Variants in GPC6 observed in about 807,000 individuals in gnomAD.
The protein encoded by GPC6 is glypican 6, also known as glypican-6.
Under a neutral mutation model 55.2 loss-of-function variants are expected in GPC6, and 14 were observed. That is an observed-to-expected ratio of 0.25 (90% CI 0.17 to 0.40). The LOEUF (loss-of-function observed/expected upper bound fraction) is 0.40. Among genes scored for constraint, GPC6 ranks in the 10% least tolerant of loss-of-function variants. The pLI, the probability that GPC6 is intolerant of heterozygous loss-of-function variation, is 1.00. For missense variants in GPC6, 641 were observed against 708.5 expected (o/e 0.90, Z 1.08); for synonymous variants, 278 against 259.6 (o/e 1.07, Z -0.68).
chr13:94,094,904 TAAAC>T (rs1013577525), intron 4 of GPC6, among the ~76,000 whole-genome samples: 2 of 152,116 alleles, frequency 1.3e-5, no homozygotes, highest in African/African-American at 4.8e-5. Flanking sequence ...AAATTTCAGT[TAAAC>T]AATAAATATG....
intron 3 of GPC6, among the ~76,000 whole-genome samples, chr13:93,871,910 T>A (rs572936671): frequency 6.6e-6 from 1 of 151,978 alleles, no homozygotes; most frequent in Non-Finnish European, 1.5e-5. Context: ...TAATGAAGAT[T>A]TTGCATTTCA....
At chr13:93,358,085 T>C (rs772148293) in intron 1 of GPC6, among the ~76,000 whole-genome samples, 2 of 152,172 alleles carry the variant, frequency 1.3e-5, no homozygotes, top group South Asian at 2.1e-4. Flanking sequence ...CGGTGGCTCA[T>C]GGCTATAATC....
At chr13:93,529,660 G>A (rs1432334712) in intron 1 of GPC6, among the ~76,000 whole-genome samples, 1 of 151,726 alleles carries the variant, frequency 6.6e-6, no homozygotes. Context: ...GGGATTACAG[G>A]TGCCCGCCAC....
intron 3 of GPC6, among the ~76,000 whole-genome samples, chr13:93,893,561 G>A (rs953219148): frequency 6.6e-6 from 1 of 152,106 alleles, no homozygotes; most frequent in Non-Finnish European, 1.5e-5. Flanking sequence ...ACCCTCTTGT[G>A]TTCAAGTTGT....
At chr13:93,585,813 A>G (rs1476003463) in intron 2 of GPC6, among the ~76,000 whole-genome samples, 3 of 152,212 alleles carry the variant, frequency 2.0e-5, no homozygotes, top group Non-Finnish European at 4.4e-5. Context: ...AACTGCATCA[A>G]CAGCTCATTT....
At chr13:93,691,633 G>A (rs1237664325) in intron 2 of GPC6, among the ~76,000 whole-genome samples, 1 of 151,684 alleles carries the variant, frequency 6.6e-6, no homozygotes, top group Non-Finnish European at 1.5e-5. Context: ...ACACCTTCAT[G>A]TTTCTGAGGT....
chr13:93,850,920 A>G (rs943687691), intron 3 of GPC6, among the ~76,000 whole-genome samples: 6 of 151,952 alleles, frequency 3.9e-5, no homozygotes, highest in African/African-American at 7.2e-5. Context: ...TCAGGACTGC[A>G]CCTCTGAGCA....
chr13:93,545,132 T>G, intron 1 of GPC6, 131 bp from the exon 2 acceptor site: 1 of 769,198 alleles, frequency 1.3e-6, no homozygotes, highest in Non-Finnish European at 2.3e-6. Flanking sequence ...CAGATAGAGT[T>G]CATGGGGATG....
At chr13:93,382,305 G>T (rs2139205643) in intron 1 of GPC6, among the ~76,000 whole-genome samples, 1 of 152,148 alleles carries the variant, frequency 6.6e-6, no homozygotes, top group Non-Finnish European at 1.5e-5. Flanking sequence ...TCCTCCTTAA[G>T]CGTTGTAATT....
At chr13:94,202,128 G>C (rs1889771675) in intron 4 of GPC6, among the ~76,000 whole-genome samples, 1 of 152,022 alleles carries the variant, frequency 6.6e-6, no homozygotes, top group Admixed American at 6.6e-5. Context: ...TCCTCAAATG[G>C]ATCATAAATT....
At chr13:93,762,831 T>C (rs1475602220) in intron 2 of GPC6, among the ~76,000 whole-genome samples, 4 of 152,186 alleles carry the variant, frequency 2.6e-5, no homozygotes. Context: ...TTGGGATTCA[T>C]AACTGTCACC....
chr13:94,401,567 G>C (rs907162007), intron 8 of GPC6, among the ~76,000 whole-genome samples: 2 of 152,004 alleles, frequency 1.3e-5, no homozygotes, highest in African/African-American at 4.8e-5. Context: ...TTCTGTCAAG[G>C]GCCGTATATT....
In GPC6 at chr13:93,305,251, T is replaced by G. The variant is rs779876257; in HGVS notation, c.160+77635T>G. Among the ~76,000 whole-genome samples, 33 of 152,256 alleles carry G rather than the reference T, an allele frequency of 2.2e-4. 1 individual carries two copies. The Middle Eastern group carries it at 0.01, about 47-fold the overall frequency. On this transcript the variant is annotated intron_variant, in intron 1 of 8. Coordinates refer to ENST00000377047, the MANE Select transcript of GPC6 (RefSeq NM_005708.5). ...GGTTGAACCCAGGCAGTCGTTTTTTTTGTGTGTGTGTTTTTGTTTTGTTTT... is the reference window on the plus strand; with the variant it reads ...GGTTGAACCCAGGCAGTCGTTTTTTGTGTGTGTGTGTTTTTGTTTTGTTTT...
chr13:93,482,998 A>G (rs899199622), intron 1 of GPC6, among the ~76,000 whole-genome samples: 2 of 152,158 alleles, frequency 1.3e-5, no homozygotes, highest in Non-Finnish European at 2.9e-5. Context: ...AATGTGACCA[A>G]GAGCCTAAGG....
intron 2 of GPC6, among the ~76,000 whole-genome samples, chr13:93,675,300 G>A (rs549950974): frequency 1.3e-5 from 2 of 151,972 alleles, no homozygotes; most frequent in Admixed American, 1.3e-4. Context: ...TACAATTAAA[G>A]AGGCGAATGA....
At chr13:94,125,958 T>G (rs1300157171) in intron 4 of GPC6, among the ~76,000 whole-genome samples, 1 of 152,204 alleles carries the variant, frequency 6.6e-6, no homozygotes, top group Admixed American at 6.6e-5. Flanking sequence ...ACATCTCATG[T>G]AAATATATCT....
In GPC6 at chr13:94,318,699, A is replaced by T. The variant is rs545009012; in HGVS notation, c.1152+12576A>T. Among the ~76,000 whole-genome samples, 6 of 152,248 alleles carry T rather than the reference A, an allele frequency of 3.9e-5. No individual in the cohort carries two copies. In the East Asian group the frequency reaches 1.2e-3, roughly 29 times the overall value. On this transcript the variant is annotated intron_variant, in intron 6 of 8. Coordinates refer to ENST00000377047, the MANE Select transcript of GPC6 (RefSeq NM_005708.5). Reference sequence around the variant, plus strand: ...ACCACAGAAAGCTGTGGTTTCAGTTACTCATGGTCAGCTGCAGTCTGAAAA... The same window carrying T: ...ACCACAGAAAGCTGTGGTTTCAGTTTCTCATGGTCAGCTGCAGTCTGAAAA...
At chr13:93,471,056 A>G (rs1462991537) in intron 1 of GPC6, among the ~76,000 whole-genome samples, 2 of 152,272 alleles carry the variant, frequency 1.3e-5, no homozygotes, top group Non-Finnish European at 2.9e-5. Context: ...TTTAAAAATC[A>G]GTTTTTGTTG....
At chr13:93,839,619 G>T (rs1373066123) in intron 3 of GPC6, among the ~76,000 whole-genome samples, 1 of 152,106 alleles carries the variant, frequency 6.6e-6, no homozygotes, top group Non-Finnish European at 1.5e-5. Context: ...ACTTACACAT[G>T]TACAAGTGAG....
Sources: gnomAD v4.1 joint callset for allele counts (sites outside exome capture counted in the v4.1 genomes callset) on GRCh38, gnomAD v4.1.1 for gene constraint, MANE v1.5 for transcripts, NCBI Gene and HGNC (gene_info 2026-07-23, HGNC 2026-07-21) for gene names.